The following RNF115 variants were observed in gnomAD, a reference collection of about 807,000 sequenced individuals.
The protein encoded by RNF115 is E3 ubiquitin-protein ligase RNF115.
In RNF115, 31 loss-of-function variants were observed where a neutral mutation model predicts 39.2. The observed-to-expected ratio is 0.79, with a 90% CI of 0.59 to 1.07. The LOEUF is 1.07. Among genes scored for constraint, RNF115 ranks in the 50% least tolerant of loss-of-function variants. RNF115 has a pLI of 0.00. For missense variants in RNF115, 384 were observed against 381.7 expected, an observed-to-expected ratio of 1.01 and a Z score of -0.05; for synonymous variants, 124 against 131.0, an observed-to-expected ratio of 0.95 and a Z score of 0.37.
intron 1 of RNF115, among the ~76,000 whole-genome samples, chr1:145,800,429 C>T (rs10752830): frequency 0.47 from 71,324 of 152,002 alleles, 17,106 homozygotes; most frequent in East Asian, 0.7. Flanking sequence ...CCTTCCCACT[C>T]CCTTTAAAGA....
At chr1:145,766,016 T>A (rs80165968) in intron 4 of RNF115, among the ~76,000 whole-genome samples, 1 of 151,858 alleles carries the variant, frequency 6.6e-6, no homozygotes, top group African/African-American at 2.4e-5. Context: ...TTTTTTTTTT[T>A]AATTGATCAT....
chr1:145,752,470 C>T (rs1455573523), intron 5 of RNF115, among the ~76,000 whole-genome samples: 40 of 151,526 alleles, frequency 2.6e-4, no homozygotes, highest in Non-Finnish European at 1.5e-5. Flanking sequence ...GGGACCAGGA[C>T]GGCCTTCCTG....
Position 145,788,987 on chromosome 1 carries a change from CAAAT to C in RNF115, c.103-25_103-22del, listed in dbSNP as rs782442508. 23 of 1,513,518 alleles carry C rather than the reference CAAAT, an allele frequency of 1.5e-5. No individual in the cohort carries two copies. The African/African-American group carries it at 2.3e-4, about 15-fold the overall frequency. 93.8% of individuals were successfully genotyped at this position (1,513,518 alleles called of 1,614,324 possible). ...TATTCCTATAAAAGAAAGGAAGAAA[CAAAT>C]AAAACTTTTTCATTAGAAAGCTACG... On this transcript the variant is annotated intron_variant, in intron 1 of 8. Transcript: ENST00000582693.
At chr1:145,774,943 G>A (rs1338734972) in intron 3 of RNF115, among the ~76,000 whole-genome samples, 1 of 151,940 alleles carries the variant, frequency 6.6e-6, no homozygotes, top group Non-Finnish European at 1.5e-5. Flanking sequence ...AATAATTTGT[G>A]TACCTAGAAA....
intron 4 of RNF115, among the ~76,000 whole-genome samples, chr1:145,761,595 G>T: frequency 6.6e-6 from 1 of 152,328 alleles, no homozygotes; most frequent in African/African-American, 2.4e-5. Context: ...CCTCCGCCTA[G>T]ATTTCAGAAG....
At chr1:145,760,815 A>T (rs1485025235) in intron 4 of RNF115, among the ~76,000 whole-genome samples, 1 of 152,218 alleles carries the variant, frequency 6.6e-6, no homozygotes, top group Non-Finnish European at 1.5e-5. Flanking sequence ...AACAGGCAGA[A>T]GTTGGAACAG....
intron 1 of RNF115, among the ~76,000 whole-genome samples, chr1:145,792,942 G>A (rs1179763559): frequency 6.6e-6 from 1 of 152,182 alleles, no homozygotes; most frequent in Non-Finnish European, 1.5e-5. Context: ...GTAATCTGGA[G>A]ACCACATAAA....
chr1:145,758,923 C>T (rs1190477665), intron 4 of RNF115, among the ~76,000 whole-genome samples: 2 of 152,124 alleles, frequency 1.3e-5, no homozygotes, highest in East Asian at 3.9e-4. Context: ...CTTGTTAAAG[C>T]TAAATGTCTG....
chr1:145,764,888 C>T (rs1658703815), intron 4 of RNF115, among the ~76,000 whole-genome samples: 1 of 152,152 alleles, frequency 6.6e-6, no homozygotes, highest in Non-Finnish European at 1.5e-5. Flanking sequence ...GTGATGAGCC[C>T]CTCTGCCCGG....
In RNF115 at chr1:145,773,211, G is replaced by A. The variant is rs187091814; in HGVS notation, c.220-1292C>T. On this transcript the variant is annotated intron_variant, in intron 3 of 8. Transcript: ENST00000582693. Reference sequence around the variant, plus strand: ...GTAATTCTAGTATTAGTGCTTCCTCGGGGTAGTTTCTGTTCATTTCTTTTT... The same window carrying A: ...GTAATTCTAGTATTAGTGCTTCCTCAGGGTAGTTTCTGTTCATTTCTTTTT... The A allele has an allele frequency of 1.8e-4, 27 of 152,112 alleles. 1 individual carries two copies. The highest frequency in any genetic ancestry group is 1.2e-3 in the Admixed American group (19 of 15,286). 9.4% of individuals were successfully genotyped at this position (152,112 alleles called of 1,614,324 possible).
At chr1:145,799,737 C>G (rs1171308491) in intron 1 of RNF115, among the ~76,000 whole-genome samples, 4 of 152,136 alleles carry the variant, frequency 2.6e-5, no homozygotes, top group Non-Finnish European at 5.9e-5. Flanking sequence ...GGACTATAGG[C>G]GTACATCACC....
In RNF115 at chr1:145,801,977, G is replaced by A. The variant is rs145863150; in HGVS notation, c.103-13011C>T. Among the ~76,000 whole-genome samples the A allele has an allele frequency of 5.3e-5, 8 of 152,080 alleles. No homozygotes were observed. The East Asian group carries it at 1.4e-3, about 26-fold the overall frequency. On this transcript the variant is annotated intron_variant, in intron 1 of 8. Transcript: ENST00000582693. ...TAATTTTTATATTTTTTGTAGAGAC[G>A]GAGTTTTGCCATGTTGCCCAAGCTA...
At chr1:145,788,691 A>C in intron 2 of RNF115, 17 of 642,054 alleles carry the variant, frequency 2.6e-5, no homozygotes, top group East Asian at 9.3e-5. Context: ...CACATCTGCT[A>C]TGATATCACT....
chr1:145,774,125 G>A lies in RNF115; in HGVS notation c.220-2206C>T, dbSNP rs149434364. On this transcript the variant is annotated intron_variant, in intron 3 of 8. Coordinates refer to ENST00000582693, the MANE Select transcript of RNF115 (RefSeq NM_014455.4). ...TAAATTCTGACTTTTCTGTCAAGGTGTTTGGTGTTTCTGCAGAGGGATGAC... is the reference window on the plus strand; with the variant it reads ...TAAATTCTGACTTTTCTGTCAAGGTATTTGGTGTTTCTGCAGAGGGATGAC... Among the ~76,000 whole-genome samples the A allele has an allele frequency of 1.5e-3, 231 of 152,244 alleles. 1 individual carries two copies. The highest frequency in any genetic ancestry group is 5.4e-3 in the African/African-American group (224 of 41,538).
intron 1 of RNF115, among the ~76,000 whole-genome samples, chr1:145,809,239 T>G (rs1474757906): frequency 6.7e-6 from 1 of 149,758 alleles, no homozygotes; most frequent in Admixed American, 6.7e-5. Flanking sequence ...CAGGCTGGAG[T>G]GCAGTGGTGC....
Position 145,751,464 on chromosome 1 carries a change from T to C in RNF115, c.547A>G (p.Thr183Ala). ...SNPGDYAWGQ[T>A]GLDAIVTQLL... ...TGGGTTACAATGGCATCAAGCCCTG[T>C]CTGACCCCAGGCATAGTCCCCAGGG... The change falls in exon 6 of 9, where the codon ACA (threonine) becomes GCA (alanine). Residue 183 changes from threonine to alanine, a missense_variant. Coordinates refer to ENST00000582693, the MANE Select transcript of RNF115 (RefSeq NM_014455.4). 6.3e-7 allele frequency: 1 copy of C among 1,593,468 alleles called. No homozygotes were observed. The highest frequency in any genetic ancestry group is 8.6e-7 in the Non-Finnish European group (1 of 1,169,446).
chr1:145,790,067 T>C (rs587604855), intron 1 of RNF115, among the ~76,000 whole-genome samples: 5 of 152,336 alleles, frequency 3.3e-5, no homozygotes, highest in East Asian at 1.9e-4. Flanking sequence ...AATTGCTTCA[T>C]AGCTACCTAA....
intron 1 of RNF115, among the ~76,000 whole-genome samples, chr1:145,806,954 G>A (rs140597981): frequency 1.8e-4 from 28 of 152,320 alleles, no homozygotes; most frequent in African/African-American, 6.0e-4. Context: ...ACAGGTACGC[G>A]CCACTGCGCC....
At chr1:145,802,297 C>G (rs1649285089) in intron 1 of RNF115, among the ~76,000 whole-genome samples, 1 of 152,118 alleles carries the variant, frequency 6.6e-6, no homozygotes, top group African/African-American at 2.4e-5. Flanking sequence ...ATAGCTTAGC[C>G]CTGATGCTTA....
Sources: gnomAD v4.1 joint callset for allele counts (sites outside exome capture counted in the v4.1 genomes callset) on GRCh38, gnomAD v4.1.1 for gene constraint, MANE v1.5 for transcripts, NCBI Gene and HGNC (gene_info 2026-07-23, HGNC 2026-07-21) for gene names.